The following KIAA0930 variants were observed in gnomAD, a reference collection of about 807,000 sequenced individuals.
KIAA0930 encodes KIAA0930, also known as uncharacterized protein KIAA0930.
A neutral mutation model predicts 43.9 loss-of-function variants in KIAA0930; 24 were observed. The observed-to-expected ratio is 0.55, with a 90% CI of 0.40 to 0.77. The LOEUF (loss-of-function observed/expected upper bound fraction) is 0.77. Among genes scored for constraint, KIAA0930 ranks in the 30% least tolerant of loss-of-function variants. The pLI, the probability that KIAA0930 is intolerant of heterozygous loss-of-function variation, is 0.00. For missense variants in KIAA0930, 461 were observed against 574.2 expected, an observed-to-expected ratio of 0.80 and a Z score of 2.02; for synonymous variants, 259 against 216.4, an observed-to-expected ratio of 1.20 and a Z score of -1.73.
chr22:45,236,489 A>G (rs5766580), intron 1 of KIAA0930, among the ~76,000 whole-genome samples: 59,245 of 151,760 alleles, frequency 0.39, 12,878 homozygotes, highest in South Asian at 0.51. Context: ...AACCCCTCCC[A>G]TGGGCCACGC....
At chr22:45,223,888 G>A (rs1051878403) in intron 1 of KIAA0930, among the ~76,000 whole-genome samples, 10 of 151,862 alleles carry the variant, frequency 6.6e-5, no homozygotes, top group African/African-American at 2.4e-4. Flanking sequence ...CCCAGGGTCA[G>A]CACTGAGACA....
intron 1 of KIAA0930, among the ~76,000 whole-genome samples, chr22:45,215,900 T>C (rs538197961): frequency 3.3e-5 from 5 of 152,052 alleles, no homozygotes; most frequent in East Asian, 1.9e-4. Flanking sequence ...GGGAGGCGGG[T>C]GCCTGTAGTC....
chr22:45,232,692 G>A (rs2083861416), intron 1 of KIAA0930, among the ~76,000 whole-genome samples: 1 of 152,204 alleles, frequency 6.6e-6, no homozygotes, highest in East Asian at 1.9e-4. Flanking sequence ...CCCTACCTTG[G>A]GAGGGTAGAG....
rs2083497498 is a variant in KIAA0930 at position 45,192,466 on chromosome 22, A to G, written c.*4710T>C. ...TGGAGGCCAGCATCGTGTTTTTGCT[A>G]AAATACATGTTGTAGAAGTCATAAT... On this transcript the variant is annotated 3_prime_UTR_variant, in exon 10 of 10. Coordinates refer to ENST00000336156, the MANE Select transcript of KIAA0930 (RefSeq NM_001009880.2). 1 of 152,234 alleles carries G rather than the reference A, an allele frequency of 6.6e-6. No homozygotes were observed. The highest frequency in any genetic ancestry group is 2.1e-4 in the South Asian group (1 of 4,836). The allele number at this position is 152,234 out of a possible 1,614,324, so 9.4% of individuals were successfully genotyped here.
intron 1 of KIAA0930, among the ~76,000 whole-genome samples, chr22:45,229,484 G>A (rs2083838266): frequency 6.6e-6 from 1 of 152,050 alleles, no homozygotes; most frequent in Non-Finnish European, 1.5e-5. Context: ...TCAGGTGGGA[G>A]AGGGACAGGA....
chr22:45,204,028 C>T, intron 5 of KIAA0930, 43 bp from the exon 6 acceptor site: 1 of 1,611,780 alleles, frequency 6.2e-7, no homozygotes, highest in Middle Eastern at 1.7e-4. Flanking sequence ...CCATCAGCTC[C>T]CACCGCCCAC....
Sources: allele counts gnomAD v4.1 joint callset (sites outside exome capture counted in the v4.1 genomes callset), GRCh38; gene constraint gnomAD v4.1.1; transcripts MANE v1.5; gene names NCBI Gene and HGNC (gene_info 2026-07-23, HGNC 2026-07-21).